PPM1L: variants seen among roughly 807,000 people sequenced by gnomAD.
PPM1L encodes protein phosphatase, Mg2+/Mn2+ dependent 1L.
PPM1L carries 13 observed loss-of-function variants against 31.4 expected under a neutral mutation model. The observed-to-expected ratio is 0.41, with a 90% confidence interval of 0.27 to 0.66. The LOEUF (loss-of-function observed/expected upper bound fraction) is 0.66, where lower values mean the gene tolerates loss of function less well. Among genes scored for constraint, PPM1L ranks in the 30% least tolerant of loss-of-function variants. PPM1L has a pLI of 0.29. For missense variants in PPM1L, 326 were observed against 453.7 expected (o/e 0.72, Z 2.56); for synonymous variants, 184 against 175.4 (o/e 1.05, Z -0.39).
At chr3:160,960,922 G>A (rs1472685698) in intron 1 of PPM1L, among the ~76,000 whole-genome samples, 4 of 152,110 alleles carry the variant, frequency 2.6e-5, no homozygotes, top group Admixed American at 2.0e-4. Context: ...TTCAAAATAT[G>A]CATATCTTCC....
rs1433570144 is a variant in PPM1L at position 161,072,986 on chromosome 3, G to A, written c.*3829G>A. On this transcript the variant is annotated 3_prime_UTR_variant, in exon 4 of 4. Coordinates refer to ENST00000498165, the MANE Select transcript of PPM1L (RefSeq NM_139245.4). ...CTCTGGAGAAATGACATGACTGTTA[G>A]ATACTATGCCTGTTTAATTGCCTCT... 1.3e-5 allele frequency: 2 copies of A among 152,172 alleles called. No individual in the cohort carries two copies. The highest frequency in any genetic ancestry group is 2.9e-5 in the Non-Finnish European group (2 of 68,026). The allele number at this position is 152,172 out of a possible 1,614,324, so 9.4% of individuals were successfully genotyped here.
intron 1 of PPM1L, among the ~76,000 whole-genome samples, chr3:160,801,831 T>C (rs564581383): frequency 2.6e-5 from 4 of 152,358 alleles, no homozygotes; most frequent in African/African-American, 9.6e-5. Context: ...CTACAGATTA[T>C]ATATGTTGTA....
At chr3:161,013,502 T>C (rs1717965755) in intron 2 of PPM1L, among the ~76,000 whole-genome samples, 1 of 152,218 alleles carries the variant, frequency 6.6e-6, no homozygotes, top group South Asian at 2.1e-4. Flanking sequence ...TATATTCTGT[T>C]GATTTGGGGT....
chr3:160,845,005 CT>C (rs1479174146), intron 1 of PPM1L, among the ~76,000 whole-genome samples: 5 of 152,068 alleles, frequency 3.3e-5, no homozygotes, highest in Admixed American at 1.3e-4. Flanking sequence ...AATCTGTGGT[CT>C]TTTGTCACTG....
intron 1 of PPM1L, among the ~76,000 whole-genome samples, chr3:160,830,479 C>T (rs567332322): frequency 7.2e-5 from 11 of 152,182 alleles, no homozygotes; most frequent in Admixed American, 5.2e-4. Flanking sequence ...GAGTATTTTA[C>T]GTTATTCCCA....
At chr3:160,850,533 C>T (rs577045552) in intron 1 of PPM1L, among the ~76,000 whole-genome samples, 2 of 152,148 alleles carry the variant, frequency 1.3e-5, no homozygotes, top group Non-Finnish European at 2.9e-5. Context: ...GGGGTTGAGG[C>T]TGAAATCCCA....
intron 1 of PPM1L, among the ~76,000 whole-genome samples, chr3:160,806,270 T>C (rs1259682888): frequency 2.0e-5 from 3 of 152,204 alleles, no homozygotes; most frequent in Admixed American, 6.5e-5. Flanking sequence ...CTTCTCCTGG[T>C]TGACTCATAC....
chr3:160,944,991 A>ATATATTATATATAACTATATAACATATAT lies in PPM1L; in HGVS notation c.400-16740_400-16739insTATATATAACTATATAACATATATTATAT, dbSNP rs376411027. Among the ~76,000 whole-genome samples the ATATATTATATATAACTATATAACATATAT allele has an allele frequency of 1.3e-3, 30 of 23,548 alleles. 3 individuals carry two copies. The highest frequency in any genetic ancestry group is 3.9e-3 in the African/African-American group (30 of 7,750). The allele number at this position is 23,548 out of a possible 152,430, so 15.4% of individuals were successfully genotyped here. A position where few individuals can be genotyped will look rare whatever the true frequency, so the allele number is the denominator to read the frequency against. On this transcript the variant is annotated intron_variant, in intron 1 of 3. Coordinates refer to ENST00000498165, the MANE Select transcript of PPM1L (RefSeq NM_139245.4). ...TATATTATATATAACTATATATAAC[A>ATATATTATATATAACTATATAACATATAT]TATATATAACTATATATAACATATA...
chr3:161,013,329 T>C (rs1202284105), intron 2 of PPM1L, among the ~76,000 whole-genome samples: 2 of 152,198 alleles, frequency 1.3e-5, no homozygotes, highest in Non-Finnish European at 2.9e-5. Context: ...TGTAGTTGAA[T>C]GGTTTTGAGT....
At chr3:160,857,396 T>C (rs1711747981) in intron 1 of PPM1L, among the ~76,000 whole-genome samples, 1 of 152,158 alleles carries the variant, frequency 6.6e-6, no homozygotes, top group Non-Finnish European at 1.5e-5. Flanking sequence ...ACAACTACAG[T>C]TGTTTTTTGG....
intron 1 of PPM1L, among the ~76,000 whole-genome samples, chr3:160,827,561 A>T (rs1002390111): frequency 7.9e-5 from 12 of 152,050 alleles, no homozygotes; most frequent in African/African-American, 2.7e-4. Flanking sequence ...TAATATCCAG[A>T]AAGACTGCTA....
chr3:160,878,945 A>T (rs1712611636), intron 1 of PPM1L, among the ~76,000 whole-genome samples: 1 of 152,230 alleles, frequency 6.6e-6, no homozygotes, highest in African/African-American at 2.4e-5. Flanking sequence ...CCTAGGAACC[A>T]TGACTAAGCT....
intron 1 of PPM1L, among the ~76,000 whole-genome samples, chr3:160,866,529 T>G (rs564894130): frequency 1.3e-5 from 2 of 152,310 alleles, no homozygotes; most frequent in Non-Finnish European, 2.9e-5. Flanking sequence ...GTGCTCATGA[T>G]GAGAATAATA....
intron 1 of PPM1L, among the ~76,000 whole-genome samples, chr3:160,882,581 A>G (rs1219763630): frequency 6.6e-6 from 1 of 152,234 alleles, no homozygotes; most frequent in Non-Finnish European, 1.5e-5. Flanking sequence ...ATATGACCTC[A>G]TCTTCACTTA....
intron 1 of PPM1L, among the ~76,000 whole-genome samples, chr3:160,784,536 C>T (rs1469936424): frequency 6.6e-6 from 1 of 152,180 alleles, no homozygotes; most frequent in Non-Finnish European, 1.5e-5. Flanking sequence ...GGTCGGGTTA[C>T]CCATACTGCT....
intron 1 of PPM1L, among the ~76,000 whole-genome samples, chr3:160,909,395 G>A (rs1713875088): frequency 6.6e-6 from 1 of 152,130 alleles, no homozygotes; most frequent in Admixed American, 6.5e-5. Context: ...CTAAGAGACA[G>A]TAGAAAAGAA....
At chr3:160,991,276 T>C (rs1474703211) in intron 2 of PPM1L, among the ~76,000 whole-genome samples, 1 of 152,186 alleles carries the variant, frequency 6.6e-6, no homozygotes, top group Admixed American at 6.5e-5. Context: ...TGAATGTTTT[T>C]GGTTCCTTTT....
rs143048016 is a variant in PPM1L at position 160,924,369 on chromosome 3, G to A, written c.400-37367G>A. Among the ~76,000 whole-genome samples, 346 of 152,262 alleles carry A rather than the reference G, an allele frequency of 2.3e-3. 2 individuals are homozygous for A. Among genetic ancestry groups the A allele is most frequent in the Middle Eastern group, 0.01 (3 of 294 alleles). ...TTGTATTGGATAGGGACATTAAAACGTTTGGCTGTTCTCTCTCTTTTTATC... is the reference window on the plus strand; with the variant it reads ...TTGTATTGGATAGGGACATTAAAACATTTGGCTGTTCTCTCTCTTTTTATC... On this transcript the variant is annotated intron_variant, in intron 1 of 3. Coordinates refer to ENST00000498165, the MANE Select transcript of PPM1L (RefSeq NM_139245.4).
chr3:160,901,164 A>G (rs1713529577), intron 1 of PPM1L, among the ~76,000 whole-genome samples: 1 of 151,980 alleles, frequency 6.6e-6, no homozygotes, highest in Non-Finnish European at 1.5e-5. Flanking sequence ...TATAAATCCA[A>G]AGTTTACATC....
Sources: allele counts gnomAD v4.1 joint callset (sites outside exome capture counted in the v4.1 genomes callset), GRCh38; gene constraint gnomAD v4.1.1; transcripts MANE v1.5; gene names NCBI Gene and HGNC (gene_info 2026-07-23, HGNC 2026-07-21).